The following MECOM variants were observed in gnomAD, a reference collection of about 807,000 sequenced individuals.
MECOM encodes MDS1 and EVI1 complex locus.
MECOM carries 13 observed loss-of-function variants against 116.3 expected under a neutral mutation model. The ratio of observed to expected loss-of-function variants is 0.11; its 90% CI spans 0.07 to 0.18. The LOEUF (loss-of-function observed/expected upper bound fraction) is 0.18, where lower values mean the gene tolerates loss of function less well. MECOM is among the 10% of genes least tolerant of loss of function. The pLI, the probability that MECOM is intolerant of heterozygous loss-of-function variation, is 1.00. For missense variants in MECOM, 1,299 were observed against 1,509.0 expected (o/e 0.86, Z 2.31); for synonymous variants, 528 against 535.2 (o/e 0.99, Z 0.19).
intron 1 of MECOM, among the ~76,000 whole-genome samples, chr3:169,507,948 C>T (rs1755485125): frequency 6.6e-6 from 1 of 152,082 alleles, no homozygotes; most frequent in South Asian, 2.1e-4. Context: ...GCATGAGCCA[C>T]CGCGCCCGGC....
In MECOM at chr3:169,490,458, G is replaced by C. The variant is rs927447288; in HGVS notation, c.38-108934C>G. Among the ~76,000 whole-genome samples, 35 of 152,170 alleles carry C rather than the reference G, an allele frequency of 2.3e-4. 1 individual carries two copies. On this transcript the variant is annotated intron_variant, in intron 1 of 16. Transcript: ENST00000651503. The stretch of plus-strand genomic sequence containing the variant: ...AACAACTCAACTATTTTTCTAAGTA[G>C]AGGAACAAATTAATAAACTGTGGTG...
chr3:169,337,416 C>T lies in MECOM; in HGVS notation c.375+43771G>A, dbSNP rs1447990511. 2.0e-5 allele frequency among the ~76,000 whole-genome samples: 3 copies of T among 152,272 alleles called. No homozygotes were observed. In the South Asian group the frequency reaches 6.2e-4, roughly 32 times the overall value. On this transcript the variant is annotated intron_variant, in intron 2 of 16. Transcript: ENST00000651503. ...GAGATTTCAATTTATTGATTCCCGA[C>T]ACGCATCCTTTTGTCAGTTTCAAGA... is the stretch of plus-strand genomic sequence containing the variant.
intron 1 of MECOM, among the ~76,000 whole-genome samples, chr3:169,505,810 C>T (rs115951635): frequency 0.012 from 1,769 of 152,272 alleles, 28 homozygotes; most frequent in African/African-American, 0.039. Flanking sequence ...ATCTTTCCTC[C>T]TCATCAAAAC....
intron 1 of MECOM, among the ~76,000 whole-genome samples, chr3:169,490,460 G>A (rs186124606): frequency 1.3e-5 from 2 of 152,248 alleles, no homozygotes; most frequent in Non-Finnish European, 2.9e-5. Context: ...TCTAAGTAGA[G>A]GAACAAATTA....
chr3:169,663,594 CT>C lies in MECOM; in HGVS notation c.-223del. ...ACACACTCACTCTCTGTATTTTCTTCTTTCACTCTCTCTCCCTCCCTCTCTC... is the reference window on the plus strand; with the variant it reads ...ACACACTCACTCTCTGTATTTTCTTCTTCACTCTCTCTCCCTCCCTCTCTC... On this transcript the variant is annotated 5_prime_UTR_variant, in exon 1 of 17. Transcript: ENST00000651503. 1 of 587,784 alleles carries C rather than the reference CT, an allele frequency of 1.7e-6. No homozygotes were observed. Among genetic ancestry groups the C allele is most frequent in the East Asian group, 2.8e-5 (1 of 35,260 alleles). 36.4% of individuals were successfully genotyped at this position (587,784 alleles called of 1,614,324 possible).
At chr3:169,532,196 C>T (rs906592508) in intron 1 of MECOM, among the ~76,000 whole-genome samples, 2 of 152,200 alleles carry the variant, frequency 1.3e-5, no homozygotes, top group African/African-American at 2.4e-5. Flanking sequence ...GCCCCATGCT[C>T]AGAGTTTCTG....
chr3:169,585,418 G>C (rs954282774), intron 1 of MECOM, among the ~76,000 whole-genome samples: 1 of 152,134 alleles, frequency 6.6e-6, no homozygotes, highest in Non-Finnish European at 1.5e-5. Context: ...AAAGTTTGTG[G>C]AAGTTCTATT....
chr3:169,152,689 TA>T (rs1392704138), intron 2 of MECOM, among the ~76,000 whole-genome samples: 1 of 152,214 alleles, frequency 6.6e-6, no homozygotes, highest in African/African-American at 2.4e-5. Context: ...AGCACCCCGT[TA>T]TTGTCCCTAC....
chr3:169,390,985 T>C (rs528737661), intron 1 of MECOM, among the ~76,000 whole-genome samples: 1 of 152,312 alleles, frequency 6.6e-6, no homozygotes, highest in East Asian at 1.9e-4. Context: ...AGCGTAAATG[T>C]AAGTTCAAAT....
In MECOM at chr3:169,392,399, C is replaced by A. The variant is rs555952913; in HGVS notation, c.38-10875G>T. 2.7e-4 allele frequency among the ~76,000 whole-genome samples: 41 copies of A among 152,218 alleles called. No homozygotes were observed. In the South Asian group the frequency reaches 4.8e-3, roughly 18 times the overall value. ...CTAGAAAAGTGCACAGATTTAAATC[C>A]TTTTCTAGCATTAAAAGAGGAATTC... On this transcript the variant is annotated intron_variant, in intron 1 of 16. Transcript: ENST00000651503.
At chr3:169,213,973 G>C (rs532246202) in intron 2 of MECOM, among the ~76,000 whole-genome samples, 1 of 152,134 alleles carries the variant, frequency 6.6e-6, no homozygotes, top group East Asian at 1.9e-4. Context: ...TTTTTTAGGG[G>C]CTACATGGAT....
intron 2 of MECOM, among the ~76,000 whole-genome samples, chr3:169,287,031 T>C (rs7634654): frequency 0.11 from 16,592 of 152,184 alleles, 2,334 homozygotes; most frequent in African/African-American, 0.31. Flanking sequence ...CTCGGTGTGA[T>C]ACTGAATGCC....
At chr3:169,136,499 AG>A (rs1290256082) in intron 3 of MECOM, among the ~76,000 whole-genome samples, 1 of 151,900 alleles carries the variant, frequency 6.6e-6, no homozygotes, top group Non-Finnish European at 1.5e-5. Flanking sequence ...TATTTGGTTA[AG>A]TCCAAGATGA....
At chr3:169,416,449 T>A (rs1177692848) in intron 1 of MECOM, among the ~76,000 whole-genome samples, 3 of 151,856 alleles carry the variant, frequency 2.0e-5, no homozygotes, top group Admixed American at 2.0e-4. Context: ...GACACCCTAA[T>A]GTCACAATTA....
chr3:169,342,827 C>CA (rs1724762720), intron 2 of MECOM, among the ~76,000 whole-genome samples: 1 of 152,138 alleles, frequency 6.6e-6, no homozygotes, highest in Non-Finnish European at 1.5e-5. Context: ...TAGGAGCTGA[C>CA]AATAGCTGTT....
At chr3:169,100,080 TC>T (rs1187838171) in intron 12 of MECOM, among the ~76,000 whole-genome samples, 5 of 123,390 alleles carry the variant, frequency 4.1e-5, no homozygotes, top group African/African-American at 1.6e-4. Context: ...ATTCTTTTTT[TC>T]TTTCTTTCTT....
chr3:169,191,764 AAGAAAGAAAG>A (rs1747698261), intron 2 of MECOM, among the ~76,000 whole-genome samples: 1 of 126,700 alleles, frequency 7.9e-6, no homozygotes, highest in Non-Finnish European at 1.6e-5. Flanking sequence ...GAAAGAAAGA[AAGAAAGAAAG>A]AAAGAAAGAA....
chr3:169,313,170 G>A (rs1230729360), intron 2 of MECOM, among the ~76,000 whole-genome samples: 1 of 152,212 alleles, frequency 6.6e-6, no homozygotes, highest in African/African-American at 2.4e-5. Flanking sequence ...AAGTGTAAAA[G>A]TAAATAGTAT....
chr3:169,085,597 C>T (rs1480206930), intron 16 of MECOM, among the ~76,000 whole-genome samples: 1 of 152,162 alleles, frequency 6.6e-6, no homozygotes, highest in South Asian at 2.1e-4. Flanking sequence ...AATCCATTGT[C>T]TTTTCTCCAA....
Sources: allele counts gnomAD v4.1 joint callset (sites outside exome capture counted in the v4.1 genomes callset), GRCh38; gene constraint gnomAD v4.1.1; transcripts MANE v1.5; gene names NCBI Gene and HGNC (gene_info 2026-07-23, HGNC 2026-07-21).